Variants in RIMS2 observed in about 807,000 individuals in gnomAD.
RIMS2 encodes regulating synaptic membrane exocytosis 2.
Under a neutral mutation model 174.4 loss-of-function variants are expected in RIMS2, and 59 were observed. The observed-to-expected ratio is 0.34, with a 90% CI of 0.27 to 0.42. The LOEUF is 0.42. Ranked by LOEUF, RIMS2 falls within the 10% of genes least tolerant of loss-of-function variation. The probability of loss-of-function intolerance (pLI) is 1.00; values close to 1 mark genes in which losing one functional copy is unlikely to be tolerated. For synonymous variants in RIMS2, 606 were observed against 572.5 expected (o/e 1.06, Z -0.84); for missense variants, 1,620 against 1,666.3 (o/e 0.97, Z 0.48).
At chr8:104,157,447 C>T (rs1248931428) in intron 19 of RIMS2, among the ~76,000 whole-genome samples, 1 of 152,102 alleles carries the variant, frequency 6.6e-6, no homozygotes, top group Non-Finnish European at 1.5e-5. Flanking sequence ...CAGTTAAGTG[C>T]TTTTAAATAT....
intron 1 of RIMS2, among the ~76,000 whole-genome samples, chr8:103,585,426 T>G (rs1325512966): frequency 6.6e-6 from 1 of 152,164 alleles, no homozygotes; most frequent in Non-Finnish European, 1.5e-5. Flanking sequence ...TAAAGACACA[T>G]GCACACATAT....
chr8:104,148,861 A>G lies in RIMS2; in HGVS notation c.3335-96055A>G, dbSNP rs771131920. 6.3e-6 allele frequency: 10 copies of G among 1,593,908 alleles called. No homozygotes were observed. The highest frequency in any genetic ancestry group is 2.2e-5 in the East Asian group (1 of 44,758). Reference sequence around the variant, plus strand: ...CTCAGCCAAACGGGTAGGAATTTCAATGTTACTTTTAACTTGATATTTGAG... The same window carrying G: ...CTCAGCCAAACGGGTAGGAATTTCAGTGTTACTTTTAACTTGATATTTGAG... On this transcript the variant is annotated intron_variant, in intron 19 of 23. Transcript: ENST00000504942.
chr8:103,779,099 G>T (rs746930817), intron 3 of RIMS2, among the ~76,000 whole-genome samples: 40 of 152,140 alleles, frequency 2.6e-4, no homozygotes, highest in Non-Finnish European at 5.3e-4. Flanking sequence ...GGATTAGTTG[G>T]TTTTTTGCTA....
intron 2 of RIMS2, among the ~76,000 whole-genome samples, chr8:103,731,147 A>G (rs1158753451): frequency 2.0e-5 from 3 of 152,148 alleles, no homozygotes; most frequent in Non-Finnish European, 4.4e-5. Flanking sequence ...CCCTCCTATG[A>G]TACATGGGAA....
At chr8:104,134,854 T>G in intron 19 of RIMS2, among the ~76,000 whole-genome samples, 1 of 152,172 alleles carries the variant, frequency 6.6e-6, no homozygotes, top group Non-Finnish European at 1.5e-5. Flanking sequence ...TACCCAAACT[T>G]CATCCTAAAT....
chr8:103,805,664 A>C (rs1380575593), intron 3 of RIMS2, among the ~76,000 whole-genome samples: 1 of 152,120 alleles, frequency 6.6e-6, no homozygotes, highest in African/African-American at 2.4e-5. Flanking sequence ...CCCAATCCCT[A>C]CTAATGCAAT....
At chr8:103,925,111 C>T (rs1274874891) in intron 10 of RIMS2, among the ~76,000 whole-genome samples, 2 of 151,238 alleles carry the variant, frequency 1.3e-5, no homozygotes, top group Admixed American at 6.6e-5. Flanking sequence ...TATAATAGGG[C>T]GTTATAAGAA....
At chr8:103,893,083 G>A (rs1261209807) in intron 4 of RIMS2, among the ~76,000 whole-genome samples, 6 of 151,930 alleles carry the variant, frequency 3.9e-5, no homozygotes, top group Admixed American at 2.0e-4. Context: ...GATAAGTTGG[G>A]TTTAAGACTA....
intron 12 of RIMS2, among the ~76,000 whole-genome samples, chr8:103,932,918 A>G (rs906376899): frequency 1.3e-5 from 2 of 152,052 alleles, no homozygotes; most frequent in Non-Finnish European, 2.9e-5. Context: ...GCACTTTGGG[A>G]GGCCGAGGCG....
intron 1 of RIMS2, among the ~76,000 whole-genome samples, chr8:103,585,767 T>C (rs1280211736): frequency 2.0e-5 from 3 of 151,502 alleles, no homozygotes; most frequent in African/African-American, 7.3e-5. Flanking sequence ...TTAAGATAAA[T>C]ACCTAATGCA....
intron 19 of RIMS2, among the ~76,000 whole-genome samples, chr8:104,097,121 T>C (rs1598751742): frequency 6.6e-6 from 1 of 152,174 alleles, no homozygotes; most frequent in Non-Finnish European, 1.5e-5. Flanking sequence ...TATTCTATAC[T>C]ACAGGCTGAA....
chr8:104,046,975 C>T (rs750512794), intron 19 of RIMS2, among the ~76,000 whole-genome samples: 31 of 151,774 alleles, frequency 2.0e-4, no homozygotes, highest in Middle Eastern at 3.2e-3. Flanking sequence ...AATATATGTA[C>T]GTATAATATA....
At chr8:103,874,245 G>C (rs1336783413) in intron 3 of RIMS2, among the ~76,000 whole-genome samples, 1 of 151,984 alleles carries the variant, frequency 6.6e-6, no homozygotes, top group Admixed American at 6.6e-5. Context: ...GTCCTTAAGA[G>C]GCACTGTGAT....
At chr8:103,724,874 G>T (rs1360789319) in intron 2 of RIMS2, among the ~76,000 whole-genome samples, 1 of 151,984 alleles carries the variant, frequency 6.6e-6, no homozygotes, top group African/African-American at 2.4e-5. Context: ...ATAGTTTAAT[G>T]ACTGTGTCTT....
intron 1 of RIMS2, among the ~76,000 whole-genome samples, chr8:103,583,769 C>A (rs2093748190): frequency 6.6e-6 from 1 of 152,056 alleles, no homozygotes; most frequent in South Asian, 2.1e-4. Flanking sequence ...ACTTATAGGA[C>A]CTAGAACTAG....
intron 1 of RIMS2, among the ~76,000 whole-genome samples, chr8:103,690,441 T>A (rs2137050444): frequency 6.6e-6 from 1 of 152,328 alleles, no homozygotes; most frequent in Middle Eastern, 3.4e-3. Flanking sequence ...TTGCTTGTAT[T>A]TTACTTTTTG....
intron 1 of RIMS2, among the ~76,000 whole-genome samples, chr8:103,645,593 C>G (rs182133534): frequency 1.3e-5 from 2 of 152,190 alleles, no homozygotes; most frequent in African/African-American, 4.8e-5. Flanking sequence ...AAACTGATCA[C>G]ATAGTCATAA....
chr8:103,603,934 C>T lies in RIMS2; in HGVS notation c.177-93152C>T, dbSNP rs1340484028. Among the ~76,000 whole-genome samples, 3 of 146,224 alleles carry T rather than the reference C, an allele frequency of 2.1e-5. No homozygotes were observed. The East Asian group carries it at 5.9e-4, about 29-fold the overall frequency. ...GATGAGTAGGTTGCGAAAATTTTCT[C>T]CCATTTTGTAGGTTGCCTGTTCACT... On this transcript the variant is annotated intron_variant, in intron 1 of 23. Coordinates refer to ENST00000504942, the Ensembl canonical transcript of RIMS2.
At chr8:103,950,706 C>G (rs890060678) in intron 14 of RIMS2, among the ~76,000 whole-genome samples, 3 of 152,124 alleles carry the variant, frequency 2.0e-5, no homozygotes, top group African/African-American at 7.2e-5. Flanking sequence ...TTCTTTCCTC[C>G]CAAGGTCACA....
Sources: gnomAD v4.1 joint callset for allele counts (sites outside exome capture counted in the v4.1 genomes callset) on GRCh38, gnomAD v4.1.1 for gene constraint, MANE v1.5 for transcripts, NCBI Gene and HGNC (gene_info 2026-07-23, HGNC 2026-07-21) for gene names.